The following CAAP1 variants were observed in gnomAD, a reference collection of about 807,000 sequenced individuals.
CAAP1 encodes the protein caspase activity and apoptosis inhibitor 1.
A neutral mutation model predicts 34.0 loss-of-function variants in CAAP1; 20 were observed. The ratio of observed to expected loss-of-function variants is 0.59; its 90% confidence interval spans 0.41 to 0.86. The LOEUF is 0.86. Among genes scored for constraint, CAAP1 ranks in the 40% least tolerant of loss-of-function variants. The pLI is 0.00. For missense variants in CAAP1, 538 were observed against 450.5 expected, an observed-to-expected ratio of 1.19 and a Z score of -1.76; for synonymous variants, 213 against 166.7, an observed-to-expected ratio of 1.28 and a Z score of -2.14.
At chr9:26,875,491 T>G (rs547634035) in intron 4 of CAAP1, among the ~76,000 whole-genome samples, 1 of 152,320 alleles carries the variant, frequency 6.6e-6, no homozygotes, top group African/African-American at 2.4e-5. Context: ...AATTTTTTCA[T>G]GTATTTTAAT....
At chr9:26,875,726 C>T (rs1444040614) in intron 4 of CAAP1, among the ~76,000 whole-genome samples, 1 of 151,450 alleles carries the variant, frequency 6.6e-6, no homozygotes. Flanking sequence ...AATACAATGT[C>T]ATATAAAGAA....
chr9:26,883,630 T>A (rs1259198606), intron 4 of CAAP1, among the ~76,000 whole-genome samples: 2 of 152,034 alleles, frequency 1.3e-5, no homozygotes, highest in African/African-American at 4.8e-5. Flanking sequence ...TAAAAAGGGA[T>A]AACAAATATA....
chr9:26,876,408 T>G (rs1466258374), intron 4 of CAAP1, among the ~76,000 whole-genome samples: 3 of 151,532 alleles, frequency 2.0e-5, no homozygotes, highest in Non-Finnish European at 2.9e-5. Context: ...TTCTGGGAAT[T>G]AAAATCTGGA....
In CAAP1 at chr9:26,884,881, G is replaced by C. The variant is rs1407580345; in HGVS notation, c.594C>G (p.Asp198Glu). ...EKKILKILEGDNGMDSDMEEE... is the reference protein window; with the variant it reads ...EKKILKILEGENGMDSDMEEE... ...CTTCCATATCAGAGTCCATTCCATT[G>C]TCACCTTATAAATGAAAGAAACTAT... The change falls in exon 4 of 6, where the codon GAC (aspartate) becomes GAG (glutamate). Residue 198 changes from aspartate to glutamate, a missense_variant. This residue lies in a region of CAAP1 where 514 missense variants were observed against 408.4 expected (regional missense o/e 1.26). Transcript: ENST00000333916. 3.1e-6 allele frequency: 5 copies of C among 1,602,992 alleles called. No homozygotes were observed. In the Admixed American group the frequency reaches 6.7e-5, roughly 21 times the overall value.
rs1241248944 is a variant in CAAP1 at position 26,840,709 on chromosome 9, A to G, written c.*1592T>C. The stretch of plus-strand genomic sequence containing the variant: ...CTTCATGAAGGTGGAGACTTTAATC[A>G]TCTACAAAGCCCTCAGACCTGTTTT... On this transcript the variant is annotated 3_prime_UTR_variant, in exon 6 of 6. Transcript: ENST00000333916. The G allele has an allele frequency of 1.3e-5, 2 of 152,234 alleles. No homozygotes were observed. Among genetic ancestry groups the G allele is most frequent in the Non-Finnish European group, 2.9e-5 (2 of 68,040 alleles). The allele number at this position is 152,234 out of a possible 1,614,324, so 9.4% of individuals were successfully genotyped here. A position where few individuals can be genotyped will look rare whatever the true frequency, so the allele number is the denominator to read the frequency against.
chr9:26,892,582 C>T lies in CAAP1; in HGVS notation c.134G>A (p.Ser45Asn). Residue 45 changes from serine to asparagine, a missense_variant, in exon 1 of 6, where the codon AGC becomes AAC. By Grantham distance (46) the Ser-to-Asn change is conservative. This residue lies in a region of CAAP1 where 514 missense variants were observed against 408.4 expected (regional missense o/e 1.26). Transcript: ENST00000333916. ...GSSGSTSGCG[S>N]AGGCGSVSCC... ...GCTGACGCTCCCGCAGCCCCCGGCG[C>T]TCCCGCAGCCGCTAGTGCTTCCACT... The T allele has an allele frequency of 1.2e-6, 2 of 1,600,384 alleles. No homozygotes were observed. Among genetic ancestry groups the T allele is most frequent in the Non-Finnish European group, 1.7e-6 (2 of 1,174,930 alleles).
intron 5 of CAAP1, among the ~76,000 whole-genome samples, chr9:26,857,065 T>C (rs1563881696): frequency 1.3e-5 from 2 of 152,176 alleles, no homozygotes; most frequent in African/African-American, 2.4e-5. Context: ...AAAAATATTG[T>C]CTACAAATGA....
chr9:26,860,715 CGGGA>C (rs1563883164), intron 5 of CAAP1, among the ~76,000 whole-genome samples: 1 of 152,008 alleles, frequency 6.6e-6, no homozygotes, highest in Non-Finnish European at 1.5e-5. Flanking sequence ...TGGCGTGAAC[CGGGA>C]GGCTGAGCTT....
intron 5 of CAAP1, among the ~76,000 whole-genome samples, chr9:26,856,492 C>T (rs759647810): frequency 6.6e-6 from 1 of 152,162 alleles, no homozygotes; most frequent in Non-Finnish European, 1.5e-5. Context: ...TTCCTAAGTA[C>T]AAACAATGCA....
At chr9:26,884,455 T>C (rs1823677972) in intron 4 of CAAP1, among the ~76,000 whole-genome samples, 1 of 152,190 alleles carries the variant, frequency 6.6e-6, no homozygotes, top group South Asian at 2.1e-4. Flanking sequence ...GATCAAGTGT[T>C]CTATGCTGTT....
intron 5 of CAAP1, among the ~76,000 whole-genome samples, chr9:26,843,636 T>TA (rs1822531108): frequency 6.6e-6 from 1 of 152,112 alleles, no homozygotes; most frequent in Non-Finnish European, 1.5e-5. Context: ...ATGTTAGCTT[T>TA]CCCTAATATA....
chr9:26,841,559 C>G lies in CAAP1; in HGVS notation c.*742G>C, dbSNP rs916446805. 2 of 152,396 alleles carry G rather than the reference C, an allele frequency of 1.3e-5. No homozygotes were observed. The highest frequency in any genetic ancestry group is 4.8e-5 in the African/African-American group (2 of 41,400). The allele number at this position is 152,396 out of a possible 1,614,324, so 9.4% of individuals were successfully genotyped here. A position where few individuals can be genotyped will look rare whatever the true frequency, so the allele number is the denominator to read the frequency against. On this transcript the variant is annotated 3_prime_UTR_variant, in exon 6 of 6. Coordinates refer to ENST00000333916, the MANE Select transcript of CAAP1 (RefSeq NM_024828.4). The stretch of plus-strand genomic sequence containing the variant: ...TTAAGCAACTACATCAGATAAAATC[C>G]TAGATAATAAAATATTCTTCATTTC...
Position 26,887,521 on chromosome 9 carries a change from TA to T in CAAP1, c.304-9del. On this transcript the variant is annotated splice_polypyrimidine_tract_variant and intron_variant, in intron 1 of 5. Coordinates refer to ENST00000333916, the MANE Select transcript of CAAP1 (RefSeq NM_024828.4). ...CAAAATATATTTAGTTTCCTAAAGT[TA>T]AAAGAATAAAGAACCATTAAACAAT... The T allele has an allele frequency of 1.3e-6, 2 of 1,528,928 alleles. No homozygotes were observed. The highest frequency in any genetic ancestry group is 1.8e-6 in the Non-Finnish European group (2 of 1,120,770). The allele number at this position is 1,528,928 out of a possible 1,614,324, so 94.7% of individuals were successfully genotyped here. A position where few individuals can be genotyped will look rare whatever the true frequency, so the allele number is the denominator to read the frequency against.
At chr9:26,870,442 C>T (rs1587111630) in intron 4 of CAAP1, among the ~76,000 whole-genome samples, 1 of 151,198 alleles carries the variant, frequency 6.6e-6, no homozygotes, top group African/African-American at 2.4e-5. Context: ...ACATAACAAT[C>T]GATGCATTCC....
intron 5 of CAAP1, among the ~76,000 whole-genome samples, chr9:26,851,593 C>A (rs924666461): frequency 1.3e-5 from 2 of 152,158 alleles, no homozygotes; most frequent in African/African-American, 4.8e-5. Context: ...CTGACATAAG[C>A]AATTCCTGAC....
At chr9:26,854,428 CTT>C (rs1822821964) in intron 5 of CAAP1, among the ~76,000 whole-genome samples, 1 of 152,160 alleles carries the variant, frequency 6.6e-6, no homozygotes, top group African/African-American at 2.4e-5. Flanking sequence ...TTTCCCAGAA[CTT>C]AACAGATTCA....
chr9:26,869,387 G>T (rs968858456), intron 4 of CAAP1, among the ~76,000 whole-genome samples: 4 of 151,940 alleles, frequency 2.6e-5, no homozygotes, highest in East Asian at 1.9e-4. Context: ...CCAATCTTTG[G>T]ATATGGGGCC....
chr9:26,845,487 T>C (rs567590453), intron 5 of CAAP1, among the ~76,000 whole-genome samples: 1 of 152,324 alleles, frequency 6.6e-6, no homozygotes, highest in East Asian at 1.9e-4. Context: ...GCGATTCTCC[T>C]GCGTCAGCCT....
chr9:26,884,980 A>G, intron 3 of CAAP1, 95 bp from the exon 4 acceptor site: 1 of 942,236 alleles, frequency 1.1e-6, no homozygotes, highest in Non-Finnish European at 1.6e-6. Flanking sequence ...AAAGTGATGC[A>G]GATTAAAGAA....
Sources: allele counts gnomAD v4.1 joint callset (sites outside exome capture counted in the v4.1 genomes callset), GRCh38; gene constraint gnomAD v4.1.1; regional missense constraint gnomAD v4.1.1; transcripts MANE v1.5; gene names NCBI Gene and HGNC (gene_info 2026-07-23, HGNC 2026-07-21).